SGCD: variants seen among roughly 807,000 people sequenced by gnomAD.
The protein encoded by SGCD is sarcoglycan delta.
Under a neutral mutation model 36.6 loss-of-function variants are expected in SGCD, and 18 were observed. The observed-to-expected ratio is 0.49, with a 90% CI of 0.34 to 0.73. The LOEUF (loss-of-function observed/expected upper bound fraction) is 0.73, where lower values mean the gene tolerates loss of function less well. Among genes scored for constraint, SGCD ranks in the 30% least tolerant of loss-of-function variants. SGCD has a pLI of 0.01. For missense variants in SGCD, 387 were observed against 346.7 expected, an observed-to-expected ratio of 1.12 and a Z score of -0.92; for synonymous variants, 133 against 130.6, an observed-to-expected ratio of 1.02 and a Z score of -0.12.
chr5:156,363,143 G>T (rs1437443305), intron 3 of SGCD, among the ~76,000 whole-genome samples: 6 of 151,980 alleles, frequency 3.9e-5, no homozygotes, highest in African/African-American at 1.4e-4. Context: ...TCTGTGATAT[G>T]TTTATGAAGT....
intron 3 of SGCD, among the ~76,000 whole-genome samples, chr5:156,281,805 G>A (rs1459749047): frequency 6.6e-6 from 1 of 152,142 alleles, no homozygotes; most frequent in Non-Finnish European, 1.5e-5. Context: ...GTAAAATGAT[G>A]TCATCAACAT....
intron 1 of SGCD, among the ~76,000 whole-genome samples, chr5:156,111,271 C>A (rs74769305): frequency 0.076 from 11,556 of 152,090 alleles, 1,107 homozygotes; most frequent in East Asian, 0.46. Context: ...AGAAATGATG[C>A]CAAGTGTGGC....
intron 1 of SGCD, among the ~76,000 whole-genome samples, chr5:156,034,740 A>G (rs1173608830): frequency 6.6e-6 from 1 of 152,196 alleles, no homozygotes; most frequent in African/African-American, 2.4e-5. Flanking sequence ...GAAACTGTTC[A>G]AGATGTGTCT....
chr5:156,214,023 C>A (rs972337830), intron 3 of SGCD, among the ~76,000 whole-genome samples: 8 of 151,936 alleles, frequency 5.3e-5, no homozygotes, highest in African/African-American at 1.9e-4. Flanking sequence ...TAGTTGAAAG[C>A]TTTTCTTCTG....
At chr5:156,042,942 T>A (rs1306644550) in intron 1 of SGCD, among the ~76,000 whole-genome samples, 1 of 152,180 alleles carries the variant, frequency 6.6e-6, no homozygotes, top group Non-Finnish European at 1.5e-5. Context: ...CACCTAGTGG[T>A]CTTTCATTAG....
intron 3 of SGCD, among the ~76,000 whole-genome samples, chr5:156,219,201 A>G (rs1230263351): frequency 6.6e-6 from 1 of 152,188 alleles, no homozygotes; most frequent in Non-Finnish European, 1.5e-5. Context: ...TATCTACTTT[A>G]GTTTATTCAT....
At chr5:156,703,362 T>C (rs900196546) in intron 7 of SGCD, among the ~76,000 whole-genome samples, 6 of 151,886 alleles carry the variant, frequency 4.0e-5, no homozygotes, top group African/African-American at 1.5e-4. Flanking sequence ...AGTTTGCCCA[T>C]ACTTTTCTTT....
upstream of SGCD, among the ~76,000 whole-genome samples, chr5:155,868,819 G>C (rs1431227325): frequency 6.6e-6 from 1 of 152,160 alleles, no homozygotes; most frequent in Non-Finnish European, 1.5e-5. Flanking sequence ...GGTGAATATG[G>C]GAGAAGCAGG....
At chr5:156,176,179 C>T (rs1006716439) in intron 3 of SGCD, among the ~76,000 whole-genome samples, 2 of 151,774 alleles carry the variant, frequency 1.3e-5, no homozygotes, top group Non-Finnish European at 2.9e-5. Flanking sequence ...ATCATGGCCA[C>T]AGTACTTGCT....
chr5:156,038,608 C>CCA (rs112266222), intron 1 of SGCD, among the ~76,000 whole-genome samples: 25 of 150,788 alleles, frequency 1.7e-4, no homozygotes, highest in South Asian at 2.1e-4. Context: ...AAAATGGCTC[C>CCA]CACACACACA....
At chr5:156,480,477 A>G (rs4704804) in intron 3 of SGCD, among the ~76,000 whole-genome samples, 81,401 of 151,900 alleles carry the variant, frequency 0.54, 22,102 homozygotes, top group Middle Eastern at 0.71. Flanking sequence ...ACTCTAATTA[A>G]ACCAACTTAT....
intron 3 of SGCD, among the ~76,000 whole-genome samples, chr5:156,240,008 C>T (rs188608978): frequency 1.7e-3 from 261 of 152,216 alleles, no homozygotes; most frequent in African/African-American, 5.9e-3. Flanking sequence ...GTAACTTAAG[C>T]GAATTGGCCA....
the SGCD span, among the ~76,000 whole-genome samples, chr5:155,739,130 C>A: frequency 1.3e-5 from 2 of 152,138 alleles, no homozygotes; most frequent in African/African-American, 4.8e-5. Context: ...ATTATTTTAA[C>A]TTTGGGATGC....
chr5:155,949,655 G>A (rs951820332), intron 1 of SGCD, among the ~76,000 whole-genome samples: 2 of 152,146 alleles, frequency 1.3e-5, no homozygotes, highest in African/African-American at 2.4e-5. Context: ...GAAATTACAT[G>A]AAATTCATAT....
At chr5:155,902,212 A>G (rs2113340163) in intron 1 of SGCD, among the ~76,000 whole-genome samples, 1 of 152,344 alleles carries the variant, frequency 6.6e-6, no homozygotes, top group South Asian at 2.1e-4. Flanking sequence ...ATAAAAAGTA[A>G]TAGTCATGTA....
chr5:156,593,289 C>T (rs1760795919), intron 5 of SGCD, among the ~76,000 whole-genome samples: 1 of 152,134 alleles, frequency 6.6e-6, no homozygotes, highest in African/African-American at 2.4e-5. Context: ...GGCTGGTTGG[C>T]ACTATCAGCC....
At chr5:156,459,119 G>A (rs889251934) in intron 3 of SGCD, among the ~76,000 whole-genome samples, 6 of 152,056 alleles carry the variant, frequency 3.9e-5, no homozygotes, top group Admixed American at 1.3e-4. Flanking sequence ...CCTGAATAAA[G>A]TACTTTTTTG....
At chr5:155,927,124 TTCTG>T (rs1757009381) in intron 1 of SGCD, among the ~76,000 whole-genome samples, 1 of 152,236 alleles carries the variant, frequency 6.6e-6, no homozygotes, top group East Asian at 1.9e-4. Context: ...GTCTTTATAT[TTCTG>T]TCTGTCATCT....
intron 6 of SGCD, among the ~76,000 whole-genome samples, chr5:156,628,529 T>C (rs981157988): frequency 4.6e-5 from 7 of 152,222 alleles, no homozygotes; most frequent in African/African-American, 1.7e-4. Flanking sequence ...TAGTTTATAA[T>C]GAGAACATGG....
Sources: allele counts gnomAD v4.1 joint callset (sites outside exome capture counted in the v4.1 genomes callset), GRCh38; gene constraint gnomAD v4.1.1; transcripts MANE v1.5; gene names NCBI Gene and HGNC (gene_info 2026-07-23, HGNC 2026-07-21).